Variants in B3GLCT observed in about 807,000 individuals in gnomAD.
The protein encoded by B3GLCT is beta 3-glucosyltransferase.
Under a neutral mutation model 63.4 loss-of-function variants are expected in B3GLCT, and 65 were observed. The ratio of observed to expected loss-of-function variants is 1.03; its 90% confidence interval spans 0.84 to 1.26. The LOEUF (loss-of-function observed/expected upper bound fraction) is 1.26, where lower values mean the gene tolerates loss of function less well. Ranked by LOEUF, B3GLCT falls within the 50% of genes most tolerant of loss-of-function variation. The pLI is 0.00. For missense variants in B3GLCT, 577 were observed against 604.8 expected, an observed-to-expected ratio of 0.95 and a Z score of 0.48; for synonymous variants, 233 against 219.2, an observed-to-expected ratio of 1.06 and a Z score of -0.55.
chr13:31,332,226 C>A lies in B3GLCT; in HGVS notation c.*2558C>A, dbSNP rs1875963394. ...GTTTCTATTGTCTTCCATTCATAATCAGAGATGTAATTTGTATGGACTAAA... is the reference window on the plus strand; with the variant it reads ...GTTTCTATTGTCTTCCATTCATAATAAGAGATGTAATTTGTATGGACTAAA... On this transcript the variant is annotated 3_prime_UTR_variant, in exon 15 of 15. Transcript: ENST00000343307. The A allele has an allele frequency of 6.6e-6, 1 of 152,062 alleles. No homozygotes were observed. The highest frequency in any genetic ancestry group is 1.5e-5 in the Non-Finnish European group (1 of 67,984). 9.4% of individuals were successfully genotyped at this position (152,062 alleles called of 1,614,324 possible).
intron 10 of B3GLCT, 56 bp downstream of exon 10, chr13:31,276,827 GA>G (rs1872814942): frequency 1.6e-6 from 2 of 1,246,892 alleles, no homozygotes; most frequent in African/African-American, 1.5e-5. Flanking sequence ...ACCTTCTAAA[GA>G]AAAGTACCAA....
intron 12 of B3GLCT, among the ~76,000 whole-genome samples, chr13:31,288,902 A>C (rs1455685766): frequency 6.6e-6 from 1 of 152,158 alleles, no homozygotes; most frequent in East Asian, 1.9e-4. Flanking sequence ...AATCAGTAAG[A>C]ATTCCTGAAA....
intron 8 of B3GLCT, among the ~76,000 whole-genome samples, chr13:31,271,683 A>G (rs539235020): frequency 6.6e-6 from 1 of 152,320 alleles, no homozygotes; most frequent in East Asian, 1.9e-4. Context: ...TAGATTGAAG[A>G]AAGTATTAAT....
At position 31,330,281 on chromosome 13, in the gene B3GLCT, A is replaced by G. The variant is rs1403825476; in HGVS notation, c.*613A>G. 6.6e-6 allele frequency: 1 copy of G among 152,394 alleles called. No individual in the cohort carries two copies. The highest frequency in any genetic ancestry group is 2.4e-5 in the African/African-American group (1 of 41,434). The allele number at this position is 152,394 out of a possible 1,614,324, so 9.4% of individuals were successfully genotyped here. On this transcript the variant is annotated 3_prime_UTR_variant, in exon 15 of 15. Transcript: ENST00000343307. ...TAATCATGGTGGTTATGTTTTGTCT[A>G]TTCTTTTGCTGTTTGTGCCTCATAA...
At chr13:31,251,809 G>A (rs1268410433) in intron 6 of B3GLCT, among the ~76,000 whole-genome samples, 1 of 152,180 alleles carries the variant, frequency 6.6e-6, no homozygotes, top group Non-Finnish European at 1.5e-5. Context: ...ATATTATCCG[G>A]GAGAACTTCC....
intron 12 of B3GLCT, 74 bp from the exon 13 acceptor site, chr13:31,317,492 G>A: frequency 6.4e-7 from 1 of 1,565,508 alleles, no homozygotes; most frequent in South Asian, 1.1e-5. Flanking sequence ...AGAGTGGGAT[G>A]TAAGAACCAT....
chr13:31,313,006 A>C (rs1459612049), intron 12 of B3GLCT: 1 of 152,250 alleles, frequency 6.6e-6, no homozygotes, highest in African/African-American at 2.4e-5. Flanking sequence ...CTTGACCTTC[A>C]GACAGATATA....
intron 4 of B3GLCT, among the ~76,000 whole-genome samples, chr13:31,231,263 C>T (rs1334849784): frequency 1.3e-5 from 2 of 152,116 alleles, no homozygotes; most frequent in Non-Finnish European, 2.9e-5. Context: ...TTTGCTCAGT[C>T]AGACCTTGCC....
At chr13:31,248,292 T>C (rs1357013945) in intron 6 of B3GLCT, among the ~76,000 whole-genome samples, 1 of 152,226 alleles carries the variant, frequency 6.6e-6, no homozygotes, top group African/African-American at 2.4e-5. Flanking sequence ...TTTCTGCTTA[T>C]TAGACAGTGA....
chr13:31,283,965 A>G (rs1231323712), intron 10 of B3GLCT, among the ~76,000 whole-genome samples: 2 of 152,246 alleles, frequency 1.3e-5, no homozygotes, highest in African/African-American at 2.4e-5. Context: ...AGGTGAATTA[A>G]TATCAAGTAG....
At chr13:31,261,191 C>A in intron 7 of B3GLCT, 109 bp downstream of exon 7, 1 of 1,290,930 alleles carries the variant, frequency 7.7e-7, no homozygotes, top group Non-Finnish European at 1.1e-6. Context: ...AGTTTTTCAG[C>A]CAGAGGCAGT....
At chr13:31,216,417 G>A (rs1192407828) in intron 2 of B3GLCT, among the ~76,000 whole-genome samples, 1 of 151,146 alleles carries the variant, frequency 6.6e-6, no homozygotes, top group Non-Finnish European at 1.5e-5. Flanking sequence ...TAGGTCAAGG[G>A]GTACATGTGC....
intron 12 of B3GLCT, among the ~76,000 whole-genome samples, chr13:31,313,949 G>A (rs535813445): frequency 1.3e-5 from 2 of 152,194 alleles, no homozygotes; most frequent in South Asian, 2.1e-4. Context: ...CACTCCAGCC[G>A]TGTCTAAAAG....
At chr13:31,268,672 CAG>C (rs886673747) in intron 7 of B3GLCT, among the ~76,000 whole-genome samples, 1 of 151,970 alleles carries the variant, frequency 6.6e-6, no homozygotes, top group African/African-American at 2.4e-5. Flanking sequence ...TAGAGATGGT[CAG>C]GGGAATGGTA....
chr13:31,217,089 AACC>A (rs1869601303), intron 2 of B3GLCT, among the ~76,000 whole-genome samples: 1 of 152,220 alleles, frequency 6.6e-6, no homozygotes, highest in African/African-American at 2.4e-5. Flanking sequence ...TTTTCTCTGC[AACC>A]TTGCCAGCAT....
chr13:31,200,585 T>G (rs1868603114), intron 1 of B3GLCT, among the ~76,000 whole-genome samples: 1 of 150,818 alleles, frequency 6.6e-6, no homozygotes. Flanking sequence ...CCGCCCGCGC[T>G]CCGCCGTCCT....
At chr13:31,279,367 T>C (rs1872949806) in intron 10 of B3GLCT, among the ~76,000 whole-genome samples, 1 of 152,118 alleles carries the variant, frequency 6.6e-6, no homozygotes, top group Non-Finnish European at 1.5e-5. Flanking sequence ...TGAGTCCTTT[T>C]CTATTTTCCC....
chr13:31,311,759 C>T (rs1555254916), intron 12 of B3GLCT: 2 of 152,174 alleles, frequency 1.3e-5, no homozygotes, highest in Non-Finnish European at 1.5e-5. Flanking sequence ...ATTTCAGCCA[C>T]AAAAGCCATG....
intron 6 of B3GLCT, among the ~76,000 whole-genome samples, chr13:31,258,490 T>G (rs1048621521): frequency 1.3e-5 from 2 of 152,166 alleles, no homozygotes; most frequent in African/African-American, 4.8e-5. Context: ...CATTATTAGA[T>G]CCTCCTGTTT....
Sources: allele counts gnomAD v4.1 joint callset (sites outside exome capture counted in the v4.1 genomes callset), GRCh38; gene constraint gnomAD v4.1.1; transcripts MANE v1.5; gene names NCBI Gene and HGNC (gene_info 2026-07-23, HGNC 2026-07-21).